Variants in LRRC3C observed in about 807,000 individuals in gnomAD.
LRRC3C encodes leucine rich repeat containing 3C.
In LRRC3C, 11 loss-of-function variants were observed where a neutral mutation model predicts 14.8. The observed-to-expected ratio is 0.74, with a 90% CI of 0.47 to 1.23. LRRC3C has a LOEUF of 1.23. Ranked by LOEUF, LRRC3C falls within the 50% of genes most tolerant of loss-of-function variation. LRRC3C has a pLI of 0.00. For missense variants in LRRC3C, 354 were observed against 361.8 expected, an observed-to-expected ratio of 0.98 and a Z score of 0.18; for synonymous variants, 149 against 161.5, an observed-to-expected ratio of 0.92 and a Z score of 0.59.
intron 1 of LRRC3C, among the ~76,000 whole-genome samples, chr17:39,928,239 A>G (rs1454939614): frequency 6.6e-6 from 1 of 152,220 alleles, no homozygotes; most frequent in Non-Finnish European, 1.5e-5. Context: ...AGATTCCTCC[A>G]TCAGTAGTAA....
At chr17:39,931,331 A>T (rs1016954267) in intron 1 of LRRC3C, among the ~76,000 whole-genome samples, 64 of 150,354 alleles carry the variant, frequency 4.3e-4, no homozygotes, top group African/African-American at 1.5e-3. Flanking sequence ...CTGTAATCCC[A>T]GCTACTCGGG....
At position 39,930,709 on chromosome 17, in the gene LRRC3C, A is replaced by AG. The variant is rs1491312713; in HGVS notation, c.-175+2895_-175+2896insG. Among the ~76,000 whole-genome samples the AG allele has an allele frequency of 2.3e-4, 3 of 13,120 alleles. No individual in the cohort carries two copies. The East Asian group carries it at 5.3e-3, about 23-fold the overall frequency. The allele number at this position is 13,120 out of a possible 152,430, so 8.6% of individuals were successfully genotyped here. A position where few individuals can be genotyped will look rare whatever the true frequency, so the allele number is the denominator to read the frequency against. ...GGGTGACTGAGCAAGGCTCTGTCTCAAAAAAAAAAAAAAAAAAAAAAAGAT... is the reference window on the plus strand; with the variant it reads ...GGGTGACTGAGCAAGGCTCTGTCTCAGAAAAAAAAAAAAAAAAAAAAAAGAT... On this transcript the variant is annotated intron_variant, in intron 1 of 3. Transcript: ENST00000377924.
chr17:39,933,736 A>G (rs1978720851), intron 1 of LRRC3C, among the ~76,000 whole-genome samples: 1 of 152,182 alleles, frequency 6.6e-6, no homozygotes, highest in Admixed American at 6.5e-5. Flanking sequence ...CCGTCTCAAA[A>G]AAAAAGAAAA....
intron 1 of LRRC3C, among the ~76,000 whole-genome samples, chr17:39,928,758 AG>A (rs1191414522): frequency 1.3e-5 from 2 of 152,206 alleles, no homozygotes; most frequent in East Asian, 3.8e-4. Context: ...AGGAAGGAAA[AG>A]GCTAGCCCAG....
Position 39,944,029 on chromosome 17 carries a change from T to C in LRRC3C, c.123T>C (p.Thr41=), listed in dbSNP as rs1403642061. ...PLLLVIGTGG[T]VPSPQVPPRG... is the part of the protein sequence containing the mutation. ...TGCTGGTGATAGGCACAGGGGGTAC[T>C]GTGCCCAGCCCCCAGGTGCCTCCCC... The change falls in exon 4 of 4, where the codon ACT becomes ACC. Residue 41 remains threonine (T), a synonymous_variant. Coordinates refer to ENST00000377924, the MANE Select transcript of LRRC3C (RefSeq NM_001195545.2). The C allele has an allele frequency of 6.5e-7, 1 of 1,535,992 alleles. No individual in the cohort carries two copies. Among genetic ancestry groups the C allele is most frequent in the Non-Finnish European group, 8.7e-7 (1 of 1,146,892 alleles).
chr17:39,944,562 G>A lies in LRRC3C; in HGVS notation c.656G>A (p.Arg219Lys). The change falls in exon 4 of 4, where the codon AGG (arginine) becomes AAG (lysine). Residue 219 changes from arginine to lysine, a missense_variant. By Grantham distance (26) the Arg-to-Lys change is conservative. Transcript: ENST00000377924. ...LCGSGWGGAR[R>K]STDVALLVTM... ...GGGTCGGGGTGGGGTGGGGCCCGGA[G>A]GAGCACCGATGTGGCCCTGCTGGTC... 1 of 1,528,374 alleles carries A rather than the reference G, an allele frequency of 6.5e-7. No individual in the cohort carries two copies. The highest frequency in any genetic ancestry group is 8.8e-7 in the Non-Finnish European group (1 of 1,142,830). 94.7% of individuals were successfully genotyped at this position (1,528,374 alleles called of 1,614,324 possible). A position where few individuals can be genotyped will look rare whatever the true frequency, so the allele number is the denominator to read the frequency against.
chr17:39,927,818 C>T lies in LRRC3C; in HGVS notation c.-175+4C>T. The stretch of plus-strand genomic sequence containing the variant: ...CAGATCGGATGATAGAATTTTGGTG[C>T]GTAACAATTCCAACTTTTGCTTCTG... On this transcript the variant is annotated splice_donor_region_variant and intron_variant, in intron 1 of 3. Transcript: ENST00000377924. The T allele has an allele frequency of 1.0e-6, 1 of 985,482 alleles. No individual in the cohort carries two copies. The highest frequency in any genetic ancestry group is 1.1e-4 in the East Asian group (1 of 8,818). 61.0% of individuals were successfully genotyped at this position (985,482 alleles called of 1,614,324 possible). A position where few individuals can be genotyped will look rare whatever the true frequency, so the allele number is the denominator to read the frequency against.
intron 1 of LRRC3C, among the ~76,000 whole-genome samples, chr17:39,933,583 A>G (rs534478982): frequency 8.7e-4 from 133 of 152,208 alleles, no homozygotes; most frequent in Admixed American, 1.5e-3. Context: ...AAATACAAAA[A>G]TTAGCCGGGC....
intron 2 of LRRC3C, among the ~76,000 whole-genome samples, chr17:39,940,639 G>A (rs1978913439): frequency 6.6e-6 from 1 of 150,572 alleles, no homozygotes; most frequent in South Asian, 2.1e-4. Flanking sequence ...CTGGAGAGAC[G>A]AGGTTTCACT....
Position 39,931,350 on chromosome 17 carries a change from G to A in LRRC3C, c.-175+3536G>A, listed in dbSNP as rs1978644941. Among the ~76,000 whole-genome samples the A allele has an allele frequency of 2.0e-5, 3 of 149,640 alleles. No homozygotes were observed. In the South Asian group the frequency reaches 6.4e-4, roughly 32 times the overall value. ...AATCCCAGCTACTCGGGAGGCTGAG[G>A]CAGGAGAATTACTTGAAACTGGGAG... On this transcript the variant is annotated intron_variant, in intron 1 of 3. Coordinates refer to ENST00000377924, the MANE Select transcript of LRRC3C (RefSeq NM_001195545.2).
chr17:39,941,465 C>A lies in LRRC3C; in HGVS notation c.-59C>A. On this transcript the variant is annotated 5_prime_UTR_variant, in exon 3 of 4. It adds an upstream start codon to the 5' untranslated region. Transcript: ENST00000377924. ...CAGCTCTACAATTCCGTGTCCAGTC[C>A]TGGTCACCCATAGTCTTCCAAAATC... The A allele has an allele frequency of 6.9e-7, 1 of 1,440,212 alleles. No homozygotes were observed. Among genetic ancestry groups the A allele is most frequent in the Non-Finnish European group, 9.4e-7 (1 of 1,060,202 alleles). 89.2% of individuals were successfully genotyped at this position (1,440,212 alleles called of 1,614,324 possible).
At chr17:39,943,762 G>C (rs998777820) in intron 3 of LRRC3C, among the ~76,000 whole-genome samples, 171 bp from the exon 4 acceptor site, 1 of 152,150 alleles carries the variant, frequency 6.6e-6, no homozygotes, top group African/African-American at 2.4e-5. Context: ...CTTAAATCAA[G>C]AGAGACCCCA....
chr17:39,942,948 TG>T (rs1278748240), intron 3 of LRRC3C, among the ~76,000 whole-genome samples: 1 of 152,174 alleles, frequency 6.6e-6, no homozygotes, highest in Non-Finnish European at 1.5e-5. Context: ...AGAGGAGTTC[TG>T]GGAAGCAGTT....
At chr17:39,935,083 A>G (rs748745796) in intron 1 of LRRC3C, among the ~76,000 whole-genome samples, 5 of 152,102 alleles carry the variant, frequency 3.3e-5, no homozygotes, top group Non-Finnish European at 7.4e-5. Context: ...CCGACCTCCT[A>G]TCTCATCCTG....
In LRRC3C at chr17:39,944,371, G is replaced by T. The variant is rs536611185; in HGVS notation, c.465G>T (p.Val155=). ...VEAFVGLQIQ[V]NLSANPWHCD... ...CCTTTGTGGGGCTACAGATCCAAGT[G>T]AACCTATCCGCAAACCCATGGCACT... Residue 155 remains valine (V), a synonymous_variant, in exon 4 of 4, where the codon GTG becomes GTT. Coordinates refer to ENST00000377924, the MANE Select transcript of LRRC3C (RefSeq NM_001195545.2). 145 of 1,530,598 alleles carry T rather than the reference G, an allele frequency of 9.5e-5. 1 individual carries two copies. In the Middle Eastern group the frequency reaches 6.5e-3, roughly 69 times the overall value. 94.8% of individuals were successfully genotyped at this position (1,530,598 alleles called of 1,614,324 possible). A position where few individuals can be genotyped will look rare whatever the true frequency, so the allele number is the denominator to read the frequency against.
At chr17:39,932,407 TA>T (rs1290232267) in intron 1 of LRRC3C, among the ~76,000 whole-genome samples, 1 of 151,830 alleles carries the variant, frequency 6.6e-6, no homozygotes, top group Admixed American at 6.6e-5. Flanking sequence ...TTCAACAAAA[TA>T]AAAACAGACC....
chr17:39,937,761 G>A lies in LRRC3C; in HGVS notation c.-82+1867G>A, dbSNP rs1978837247. ...TAGTGTACAGTTAAGGATGCTCTCAGCAGAAATCAACAGAAAACCCAAATA... is the reference window on the plus strand; with the variant it reads ...TAGTGTACAGTTAAGGATGCTCTCAACAGAAATCAACAGAAAACCCAAATA... On this transcript the variant is annotated intron_variant, in intron 2 of 3. Transcript: ENST00000377924. Among the ~76,000 whole-genome samples the A allele has an allele frequency of 2.0e-5, 3 of 152,184 alleles. No individual in the cohort carries two copies. In the South Asian group the frequency reaches 6.2e-4, roughly 31 times the overall value.
intron 3 of LRRC3C, among the ~76,000 whole-genome samples, chr17:39,942,120 G>A (rs149428520): frequency 6.6e-6 from 1 of 152,282 alleles, no homozygotes; most frequent in Non-Finnish European, 1.5e-5. Flanking sequence ...GCCTGGCGTG[G>A]GTAATGAAAT....
At chr17:39,934,618 T>G (rs1978746581) in intron 1 of LRRC3C, 1 of 152,202 alleles carries the variant, frequency 6.6e-6, no homozygotes, top group African/African-American at 2.4e-5. Context: ...CAGAGTGAAT[T>G]CTCAATAAAT....
Sources: allele counts gnomAD v4.1 joint callset (sites outside exome capture counted in the v4.1 genomes callset), GRCh38; gene constraint gnomAD v4.1.1; transcripts MANE v1.5; gene names NCBI Gene and HGNC (gene_info 2026-07-23, HGNC 2026-07-21).